The following ADNP variants were observed in gnomAD, a reference collection of about 807,000 sequenced individuals.
The protein encoded by ADNP is activity-dependent neuroprotector homeobox protein.
ADNP carries 4 observed loss-of-function variants against 84.9 expected under a neutral mutation model. That is an observed-to-expected ratio of 0.05 (90% CI 0.02 to 0.11). The LOEUF (loss-of-function observed/expected upper bound fraction) is 0.11. Among genes scored for constraint, ADNP ranks in the 10% least tolerant of loss-of-function variants. The probability of loss-of-function intolerance (pLI) is 1.00; values close to 1 mark genes in which losing one functional copy is unlikely to be tolerated. For missense variants in ADNP, 1,132 were observed against 1,326.0 expected (o/e 0.85, Z 2.27); for synonymous variants, 554 against 468.1 (o/e 1.18, Z -2.37).
In ADNP at chr20:50,891,689, T is replaced by C; in HGVS notation, c.3025A>G (p.Ser1009Gly). 6.2e-7 allele frequency: 1 copy of C among 1,614,258 alleles called. No individual in the cohort carries two copies. The highest frequency in any genetic ancestry group is 1.3e-5 in the African/African-American group (1 of 75,072). ...ESSQSEDARS[S>G]KPAAKKKATM... ...GCCTTTTTTTTGGCAGCTGGCTTAC[T>C]GCTCCTTGCATCTTCGCTTTGGGAA... is the stretch of plus-strand genomic sequence containing the variant. The change falls in exon 6 of 6, where the codon AGT becomes GGT. Residue 1009 changes from serine to glycine, a missense_variant. By Grantham distance (56) the Ser-to-Gly change is moderately conservative. Coordinates refer to ENST00000621696, the MANE Select transcript of ADNP (RefSeq NM_001282531.3).
rs1486267540 is a variant in ADNP, at chr20:50,928,839, A to G, written c.-264-14T>C. The G allele has an allele frequency of 1.3e-5, 2 of 152,280 alleles. No individual in the cohort carries two copies. Among genetic ancestry groups the G allele is most frequent in the East Asian group, 3.9e-4 (2 of 5,194 alleles). The allele number at this position is 152,280 out of a possible 1,614,324, so 9.4% of individuals were successfully genotyped here. On this transcript the variant is annotated splice_polypyrimidine_tract_variant and intron_variant, in intron 1 of 5. Transcript: ENST00000621696. Reference sequence around the variant, plus strand: ...TGCATCTCACACCTATGGAAATAACAAGAGGAGTAAAATCTATGGAAATCA... The same window carrying G: ...TGCATCTCACACCTATGGAAATAACGAGAGGAGTAAAATCTATGGAAATCA...
intron 2 of ADNP, among the ~76,000 whole-genome samples, chr20:50,918,661 CT>C (rs1423300566): frequency 6.6e-6 from 1 of 152,154 alleles, no homozygotes; most frequent in African/African-American, 2.4e-5. Context: ...GTTCAACTAC[CT>C]TGTTTTGCAA....
rs931189222 is a variant in ADNP at position 50,901,927 on chromosome 20, G to A, written c.201+90C>T. On this transcript the variant is annotated intron_variant, in intron 5 of 5. Coordinates refer to ENST00000621696, the MANE Select transcript of ADNP (RefSeq NM_001282531.3). ...CACTTTCGATGTTTGGCACTTGCCC[G>A]CAATCACTGCACCGCTATAAAAGGC... is the stretch of plus-strand genomic sequence containing the variant. The A allele has an allele frequency of 1.9e-5, 18 of 963,656 alleles. 1 individual carries two copies. Among genetic ancestry groups the A allele is most frequent in the South Asian group, 4.2e-5 (3 of 71,546 alleles). The allele number at this position is 963,656 out of a possible 1,614,324, so 59.7% of individuals were successfully genotyped here.
rs891000377 is a variant in ADNP at position 50,891,050 on chromosome 20, A to G, written c.*355T>C. The G allele has an allele frequency of 1.9e-6, 2 of 1,064,208 alleles. No individual in the cohort carries two copies. Among genetic ancestry groups the G allele is most frequent in the African/African-American group, 3.4e-5 (2 of 59,500 alleles). The allele number at this position is 1,064,208 out of a possible 1,614,324, so 65.9% of individuals were successfully genotyped here. The stretch of plus-strand genomic sequence containing the variant: ...GTAGCTTGTATGTTGGCCCTACACT[A>G]CCATGTGAATTAGTTTAACACTTCT... On this transcript the variant is annotated 3_prime_UTR_variant, in exon 6 of 6. Coordinates refer to ENST00000621696, the MANE Select transcript of ADNP (RefSeq NM_001282531.3).
At chr20:50,918,146 C>G (rs754209957) in intron 2 of ADNP, among the ~76,000 whole-genome samples, 13 of 151,642 alleles carry the variant, frequency 8.6e-5, no homozygotes, top group Non-Finnish European at 1.8e-4. Flanking sequence ...TACTTTACAA[C>G]AATTAAAAAT....
Position 50,893,353 on chromosome 20 carries a change from T to A in ADNP, c.1361A>T (p.Glu454Val), listed in dbSNP as rs775993224. 1 of 1,614,230 alleles carries A rather than the reference T, an allele frequency of 6.2e-7. No homozygotes were observed. Residue 454 changes from glutamate (E) to valine (V), a missense_variant, in exon 6 of 6, where the codon GAG becomes GTG. This residue lies in a region of ADNP where 87 missense variants were observed against 181.4 expected (regional missense o/e 0.48). Coordinates refer to ENST00000621696, the MANE Select transcript of ADNP (RefSeq NM_001282531.3). The surrounding 1 kb of genome is among the most constrained non-coding windows in gnomAD (Gnocchi z 4.4). ...QKWKICTICNELFPENVYSVH... is the reference protein window; with the variant it reads ...QKWKICTICNVLFPENVYSVH... ...ACTATAGACATTTTCAGGAAAAAGC[T>A]CATTACAGATTGTACATATTTTCCA...
intron 2 of ADNP, among the ~76,000 whole-genome samples, chr20:50,915,606 GCCT>G (rs1413380445): frequency 6.6e-6 from 1 of 152,058 alleles, no homozygotes; most frequent in Non-Finnish European, 1.5e-5. Flanking sequence ...CAGCTCTGAT[GCCT>G]CCTCCTTTTC....
intron 2 of ADNP, among the ~76,000 whole-genome samples, chr20:50,922,584 T>TG (rs1230103485): frequency 1.4e-5 from 2 of 147,648 alleles, no homozygotes; most frequent in African/African-American, 5.1e-5. Flanking sequence ...CTGCGTTTTT[T>TG]TTTTTTTTTT....
At chr20:50,899,804 A>G (rs1257105407) in intron 5 of ADNP, among the ~76,000 whole-genome samples, 1 of 149,256 alleles carries the variant, frequency 6.7e-6, no homozygotes, top group African/African-American at 2.5e-5. Flanking sequence ...AAAAAAAAAA[A>G]GTTTAAGACT....
At position 50,889,804 on chromosome 20, in the gene ADNP, A is replaced by G; in HGVS notation, c.*1601T>C. On this transcript the variant is annotated 3_prime_UTR_variant, in exon 6 of 6. Coordinates refer to ENST00000621696, the MANE Select transcript of ADNP (RefSeq NM_001282531.3). Reference sequence around the variant, plus strand: ...TCTTGGGAATCTACGCATGGTAAAAATACCAGCTCCTTCCATCTTTACAGC... The same window carrying G: ...TCTTGGGAATCTACGCATGGTAAAAGTACCAGCTCCTTCCATCTTTACAGC... The G allele has an allele frequency of 2.5e-6, 1 of 398,484 alleles. No individual in the cohort carries two copies. The highest frequency in any genetic ancestry group is 3.6e-5 in the East Asian group (1 of 28,080). The allele number at this position is 398,484 out of a possible 1,614,324, so 24.7% of individuals were successfully genotyped here. A position where few individuals can be genotyped will look rare whatever the true frequency, so the allele number is the denominator to read the frequency against.
intron 5 of ADNP, among the ~76,000 whole-genome samples, chr20:50,896,964 GTTT>G (rs746282590): frequency 3.3e-5 from 5 of 152,158 alleles, no homozygotes; most frequent in Non-Finnish European, 7.4e-5. Flanking sequence ...TTGAGATGCA[GTTT>G]TTTTGCTCTT....
chr20:50,912,168 A>AT (rs544254919), intron 2 of ADNP, among the ~76,000 whole-genome samples: 8 of 152,010 alleles, frequency 5.3e-5, no homozygotes, highest in South Asian at 2.1e-4. Flanking sequence ...TTCAAACCTT[A>AT]TTTTTTTTGA....
At chr20:50,922,888 G>C (rs147752386) in intron 2 of ADNP, among the ~76,000 whole-genome samples, 2 of 151,876 alleles carry the variant, frequency 1.3e-5, no homozygotes, top group African/African-American at 4.8e-5. Context: ...GGCCCTCCTG[G>C]GTTTTTATAA....
intron 2 of ADNP, among the ~76,000 whole-genome samples, chr20:50,915,205 C>T (rs1983416442): frequency 6.6e-6 from 1 of 152,012 alleles, no homozygotes; most frequent in South Asian, 2.1e-4. Flanking sequence ...CTGCCTTTAC[C>T]TCAGCAACAT....
At chr20:50,911,288 C>T (rs1983002615) in intron 2 of ADNP, among the ~76,000 whole-genome samples, 1 of 152,128 alleles carries the variant, frequency 6.6e-6, no homozygotes, top group African/African-American at 2.4e-5. Flanking sequence ...TTTGCCTAGA[C>T]CAATGTCCAT....
At chr20:50,928,061 T>C (rs988739098) in intron 2 of ADNP, among the ~76,000 whole-genome samples, 1 of 152,200 alleles carries the variant, frequency 6.6e-6, no homozygotes, top group Non-Finnish European at 1.5e-5. Context: ...GTAGAAGCAA[T>C]GTCTCTAGTC....
chr20:50,891,226 A>G lies in ADNP; in HGVS notation c.*179T>C, dbSNP rs891123364. ...CCGTGTCTGTCAGAGAAGGTTCTGAAGCAAGAACAGCCTGTCCTGTCATAG... is the reference window on the plus strand; with the variant it reads ...CCGTGTCTGTCAGAGAAGGTTCTGAGGCAAGAACAGCCTGTCCTGTCATAG... On this transcript the variant is annotated 3_prime_UTR_variant, in exon 6 of 6. Transcript: ENST00000621696. The G allele has an allele frequency of 7.4e-7, 1 of 1,353,260 alleles. No individual in the cohort carries two copies. The highest frequency in any genetic ancestry group is 9.4e-7 in the Non-Finnish European group (1 of 1,059,050). The allele number at this position is 1,353,260 out of a possible 1,614,324, so 83.8% of individuals were successfully genotyped here.
chr20:50,922,029 C>A (rs1258041099), intron 2 of ADNP, among the ~76,000 whole-genome samples: 1 of 152,140 alleles, frequency 6.6e-6, no homozygotes, highest in African/African-American at 2.4e-5. Context: ...CACTTGCTGT[C>A]GCTGTAAGTG....
intron 2 of ADNP, among the ~76,000 whole-genome samples, chr20:50,924,773 T>C (rs1984177562): frequency 2.6e-5 from 4 of 152,202 alleles, no homozygotes; most frequent in Admixed American, 2.6e-4. Context: ...TACAAATCTA[T>C]ACCCTTACTG....
Sources: gnomAD v4.1 joint callset for allele counts (sites outside exome capture counted in the v4.1 genomes callset) on GRCh38, gnomAD v4.1.1 for gene constraint, gnomAD v4.1.1 regional missense constraint, Gnocchi (gnomAD v3.1) non-coding constraint, MANE v1.5 for transcripts, NCBI Gene and HGNC (gene_info 2026-07-23, HGNC 2026-07-21) for gene names.